Variants in NECTIN3 observed in about 807,000 individuals in gnomAD.
NECTIN3 encodes nectin-3.
A neutral mutation model predicts 49.4 loss-of-function variants in NECTIN3; 8 were observed. The observed-to-expected ratio is 0.16, with a 90% confidence interval of 0.10 to 0.29. NECTIN3 has a LOEUF of 0.29. NECTIN3 is among the 10% of genes least tolerant of loss of function. The pLI, the probability that NECTIN3 is intolerant of heterozygous loss-of-function variation, is 1.00. For missense variants in NECTIN3, 581 were observed against 654.6 expected, an observed-to-expected ratio of 0.89 and a Z score of 1.23; for synonymous variants, 277 against 241.1, an observed-to-expected ratio of 1.15 and a Z score of -1.38.
chr3:111,145,030 G>A (rs1173500536), exon 6 of NECTIN3: 3 of 1,536,086 alleles, frequency 2.0e-6, no homozygotes, highest in African/African-American at 1.4e-5. Context: ...ATCCTATCTT[G>A]ACAAAGTGTA....
intron 7 of NECTIN3, among the ~76,000 whole-genome samples, chr3:111,171,121 C>T (rs1323257688): frequency 6.6e-6 from 1 of 152,172 alleles, no homozygotes; most frequent in African/African-American, 2.4e-5. Flanking sequence ...TTGTGAAGCA[C>T]ATGCCGTTAT....
rs148475447 is a variant in NECTIN3, at chr3:111,133,559, C to T, written c.1070-76C>T. The T allele has an allele frequency of 1.7e-4, 256 of 1,511,800 alleles. 1 individual carries two copies. In the East Asian group the frequency reaches 4.5e-3, roughly 26 times the overall value. 93.6% of individuals were successfully genotyped at this position (1,511,800 alleles called of 1,614,324 possible). A position where few individuals can be genotyped will look rare whatever the true frequency, so the allele number is the denominator to read the frequency against. The stretch of plus-strand genomic sequence containing the variant: ...ATATTCATTAACTGTGCTGTCTTGT[C>T]AACTTGCTGCTGAATCAGCCTGCAT... On this transcript the variant is annotated intron_variant, in intron 5 of 5. Transcript: ENST00000485303.
intron 7 of NECTIN3, among the ~76,000 whole-genome samples, chr3:111,176,661 C>A (rs934907446): frequency 4.0e-5 from 6 of 150,384 alleles, no homozygotes; most frequent in African/African-American, 1.5e-4. Flanking sequence ...TATATGTTAC[C>A]TTTATTTTCT....
chr3:111,177,356 A>G (rs1277974354), intron 7 of NECTIN3, among the ~76,000 whole-genome samples: 1 of 152,190 alleles, frequency 6.6e-6, no homozygotes, highest in Admixed American at 6.5e-5. Flanking sequence ...GCTAGATTAA[A>G]TATGAGATTT....
Position 111,179,123 on chromosome 3 carries a change from G to C in NECTIN3, c.1222-13228G>C, listed in dbSNP as rs568199456. On this transcript the variant is annotated intron_variant, in intron 7 of 8. Transcript: ENST00000493615. ...TTTTACCTAAGCTAAGCCTAATGCT[G>C]TCTGTTTTAATCATGTTGCCATTAT... 3.9e-5 allele frequency among the ~76,000 whole-genome samples: 6 copies of C among 152,286 alleles called. No homozygotes were observed. The South Asian group carries it at 8.3e-4, about 21-fold the overall frequency.
intron 1 of NECTIN3, 196 bp downstream of exon 1, chr3:111,072,373 C>T (rs1020218996): frequency 4.8e-5 from 71 of 1,485,474 alleles, no homozygotes; most frequent in Non-Finnish European, 6.3e-5. Flanking sequence ...GAATGCTGAG[C>T]CGGCGGCCCG....
At chr3:111,176,947 A>G (rs1175562309) in intron 7 of NECTIN3, among the ~76,000 whole-genome samples, 2 of 152,190 alleles carry the variant, frequency 1.3e-5, no homozygotes, top group Non-Finnish European at 2.9e-5. Context: ...TTCACTTAGT[A>G]TATAGCCTGT....
At position 111,145,007 on chromosome 3, in the gene NECTIN3, G is replaced by A. The variant is rs1489552110; in HGVS notation, c.1109G>A (p.Arg370Gln). The change falls in exon 6 of 9, where the codon CGA (arginine) becomes CAA (glutamine). Residue 370 changes from arginine (R) to glutamine (Q), a missense_variant. Coordinates refer to the NECTIN3 transcript ENST00000493615. ...TTTGTGACTGTGCTGCTGACTCCTC[G>A]AAAAAAAAGACCATCCTATCTTGAC... is the stretch of plus-strand genomic sequence containing the variant. 26 of 1,534,488 alleles carry A rather than the reference G, an allele frequency of 1.7e-5. 1 individual carries two copies. In the Middle Eastern group the frequency reaches 8.3e-4, roughly 49 times the overall value.
intron 7 of NECTIN3, among the ~76,000 whole-genome samples, chr3:111,187,260 A>G (rs1466621322): frequency 6.6e-6 from 1 of 152,166 alleles, no homozygotes; most frequent in Non-Finnish European, 1.5e-5. Context: ...AAAATTAGCC[A>G]GGCATGGTGG....
At chr3:111,179,843 G>T (rs2035596032) in intron 7 of NECTIN3, among the ~76,000 whole-genome samples, 1 of 150,502 alleles carries the variant, frequency 6.6e-6, no homozygotes, top group Non-Finnish European at 1.5e-5. Context: ...GTGAGCCGAG[G>T]TCACACCACT....
At chr3:111,104,313 CTTTTTT>C (rs935543116) in intron 1 of NECTIN3, among the ~76,000 whole-genome samples, 3 of 89,282 alleles carry the variant, frequency 3.4e-5, no homozygotes, top group South Asian at 8.2e-4. Context: ...CTGTTCAGAT[CTTTTTT>C]TTTTTTTTTT....
chr3:111,149,261 A>G (rs554678236), intron 7 of NECTIN3, among the ~76,000 whole-genome samples: 107 of 152,206 alleles, frequency 7.0e-4, no homozygotes, highest in Non-Finnish European at 1.1e-3. Context: ...ATGATTTGAT[A>G]TTCAGTAAAT....
chr3:111,143,208 AT>A (rs1005123888), intron 5 of NECTIN3, among the ~76,000 whole-genome samples: 4 of 151,650 alleles, frequency 2.6e-5, no homozygotes, highest in Admixed American at 6.6e-5. Context: ...GGGTTTCAAT[AT>A]TTTTTTTAAT....
chr3:111,085,178 A>G (rs1054534499), intron 1 of NECTIN3, among the ~76,000 whole-genome samples: 22 of 152,244 alleles, frequency 1.4e-4, no homozygotes, highest in African/African-American at 4.1e-4. Context: ...CTGAATTTAC[A>G]TCTTAAATAC....
At chr3:111,149,226 G>C (rs1412901099) in intron 7 of NECTIN3, among the ~76,000 whole-genome samples, 1 of 151,942 alleles carries the variant, frequency 6.6e-6, no homozygotes, top group East Asian at 1.9e-4. Flanking sequence ...AGATACTGCT[G>C]TTTCAATTAC....
At position 111,137,091 on chromosome 3, in the gene NECTIN3, T is replaced by A; in HGVS notation, c.*2876T>A. 1 of 983,160 alleles carries A rather than the reference T, an allele frequency of 1.0e-6. No individual in the cohort carries two copies. The highest frequency in any genetic ancestry group is 4.7e-5 in the South Asian group (1 of 21,246). The allele number at this position is 983,160 out of a possible 1,614,324, so 60.9% of individuals were successfully genotyped here. A position where few individuals can be genotyped will look rare whatever the true frequency, so the allele number is the denominator to read the frequency against. On this transcript the variant is annotated 3_prime_UTR_variant, in exon 6 of 6. Transcript: ENST00000485303. ...ATTTTGCATTAAGGAGCTGTAGGAG[T>A]ACAGTGTATAAGTACAGAAATTGAG... is the stretch of plus-strand genomic sequence containing the variant.
intron 7 of NECTIN3, among the ~76,000 whole-genome samples, chr3:111,178,556 C>T (rs1205735269): frequency 6.6e-6 from 1 of 152,180 alleles, no homozygotes; most frequent in Non-Finnish European, 1.5e-5. Flanking sequence ...TAAGAAAAGC[C>T]TTGCCTTTGT....
upstream of NECTIN3, among the ~76,000 whole-genome samples, chr3:111,190,665 T>A (rs185181730): frequency 3.4e-3 from 514 of 152,278 alleles, 10 homozygotes; most frequent in Non-Finnish European, 1.9e-3. Context: ...TAATCCCATT[T>A]ATGACAGCTC....
downstream of NECTIN3, among the ~76,000 whole-genome samples, chr3:111,142,229 A>G (rs2034764912): frequency 1.3e-5 from 2 of 151,922 alleles, no homozygotes; most frequent in South Asian, 4.1e-4. Flanking sequence ...AGAAAACATG[A>G]AATATATCCC....
Sources: gnomAD v4.1 joint callset for allele counts (sites outside exome capture counted in the v4.1 genomes callset) on GRCh38, gnomAD v4.1.1 for gene constraint, MANE v1.5 for transcripts, NCBI Gene and HGNC (gene_info 2026-07-23, HGNC 2026-07-21) for gene names.